KCTD1: variants seen among roughly 807,000 people sequenced by gnomAD.
KCTD1 encodes BTB/POZ domain-containing protein KCTD1.
In KCTD1, 24 loss-of-function variants were observed where a neutral mutation model predicts 66.0. That is an observed-to-expected ratio of 0.36 (90% CI 0.26 to 0.51). The LOEUF (loss-of-function observed/expected upper bound fraction) is 0.51. KCTD1 is among the 20% of genes least tolerant of loss of function. The pLI is 0.95. For synonymous variants in KCTD1, 511 were observed against 517.2 expected (o/e 0.99, Z 0.16); for missense variants, 943 against 1,205.2 (o/e 0.78, Z 3.22).
At chr18:26,584,936 C>T (rs1386186667) in intron 1 of KCTD1, among the ~76,000 whole-genome samples, 1 of 152,086 alleles carries the variant, frequency 6.6e-6, no homozygotes, top group African/African-American at 2.4e-5. Context: ...AGGAGGAGCA[C>T]GTAGTCCTGC....
rs57856118 is a variant in KCTD1 at position 26,647,519 on chromosome 18, C to CAAAAAAAAAAAAAAAAAAAAA, written c.9+9820_9+9840dup. On this transcript the variant is annotated intron_variant, in intron 1 of 4. Coordinates refer to the KCTD1 transcript ENST00000580191. ...TGGGAAACAGAGTGAGACTCCATCTCAAAAAAAAAAAAAAAAAAAAAAAAA... is the reference window on the plus strand; with the variant it reads ...TGGGAAACAGAGTGAGACTCCATCTCAAAAAAAAAAAAAAAAAAAAAAAAAAAAAAAAAAAAAAAAAAAAAA... Among the ~76,000 whole-genome samples the CAAAAAAAAAAAAAAAAAAAAA allele has an allele frequency of 6.5e-4, 37 of 57,316 alleles. 3 individuals carry two copies. Among genetic ancestry groups the CAAAAAAAAAAAAAAAAAAAAA allele is most frequent in the East Asian group, 3.0e-3 (4 of 1,338 alleles). The allele number at this position is 57,316 out of a possible 152,430, so 37.6% of individuals were successfully genotyped here. A position where few individuals can be genotyped will look rare whatever the true frequency, so the allele number is the denominator to read the frequency against.
intron 2 of KCTD1, among the ~76,000 whole-genome samples, chr18:26,485,066 C>T (rs1981846834): frequency 6.6e-6 from 1 of 152,172 alleles, no homozygotes; most frequent in Non-Finnish European, 1.5e-5. Context: ...AGCTCCAAGA[C>T]CCATAGACCT....
chr18:26,608,777 C>T (rs956288208), intron 1 of KCTD1, among the ~76,000 whole-genome samples: 3 of 152,188 alleles, frequency 2.0e-5, no homozygotes, highest in African/African-American at 4.8e-5. Flanking sequence ...GGAAATCCAT[C>T]GGCAAGAAGT....
At chr18:26,656,757 G>A (rs1305108066) in intron 1 of KCTD1, among the ~76,000 whole-genome samples, 1 of 151,202 alleles carries the variant, frequency 6.6e-6, no homozygotes, top group Non-Finnish European at 1.5e-5. Flanking sequence ...CCCGGGCGCC[G>A]CCGCCCCCTG....
At chr18:26,589,740 G>T (rs1460407653) in intron 1 of KCTD1, among the ~76,000 whole-genome samples, 2 of 152,152 alleles carry the variant, frequency 1.3e-5, no homozygotes, top group East Asian at 3.9e-4. Context: ...GGTCAACCTT[G>T]ACTGGTATAA....
chr18:26,475,497 T>C (rs900496375), intron 3 of KCTD1, among the ~76,000 whole-genome samples: 2 of 152,240 alleles, frequency 1.3e-5, no homozygotes, highest in Non-Finnish European at 2.9e-5. Flanking sequence ...CTAGGTGTTA[T>C]AATTTTTGTT....
intron 1 of KCTD1, among the ~76,000 whole-genome samples, chr18:26,639,065 T>C (rs1234037708): frequency 2.6e-5 from 4 of 152,090 alleles, no homozygotes; most frequent in African/African-American, 9.7e-5. Flanking sequence ...TGGTGAGCAA[T>C]GCATGTTGCC....
intron 1 of KCTD1, among the ~76,000 whole-genome samples, chr18:26,616,308 G>T (rs1447767513): frequency 1.3e-5 from 2 of 151,780 alleles, no homozygotes; most frequent in East Asian, 3.9e-4. Context: ...ACCAACCACA[G>T]GTGGCCTTCC....
intron 3 of KCTD1, among the ~76,000 whole-genome samples, chr18:26,469,638 T>A (rs1980944128): frequency 6.6e-6 from 1 of 152,216 alleles, no homozygotes; most frequent in African/African-American, 2.4e-5. Flanking sequence ...ATTATTCTGA[T>A]AAGCAGCATA....
At chr18:26,516,166 G>A (rs1392767993) in intron 1 of KCTD1, among the ~76,000 whole-genome samples, 1 of 152,040 alleles carries the variant, frequency 6.6e-6, no homozygotes, top group Admixed American at 6.6e-5. Context: ...GAAACTGATG[G>A]AAAGGAAAAT....
chr18:26,641,799 G>A (rs1412828289), upstream of KCTD1, among the ~76,000 whole-genome samples: 1 of 152,156 alleles, frequency 6.6e-6, no homozygotes, highest in Admixed American at 6.5e-5. Flanking sequence ...GCAGGTATCA[G>A]ATCTCGAGAT....
In KCTD1 at chr18:26,517,382, A is replaced by C. The variant is rs112573318; in HGVS notation, c.1810-16132T>G. Among the ~76,000 whole-genome samples, 87 of 152,250 alleles carry C rather than the reference A, an allele frequency of 5.7e-4. 1 individual carries two copies. Among genetic ancestry groups the C allele is most frequent in the African/African-American group, 1.9e-3 (81 of 41,544 alleles). On this transcript the variant is annotated intron_variant, in intron 1 of 4. Transcript: ENST00000580059. The stretch of plus-strand genomic sequence containing the variant: ...AAAAAGGGGAGTTTAAAGGCTGGGC[A>C]TGGTGGCTCACGCCTGTAATCCCAA...
At chr18:26,520,447 T>A (rs1983856296) in intron 1 of KCTD1, among the ~76,000 whole-genome samples, 1 of 152,218 alleles carries the variant, frequency 6.6e-6, no homozygotes, top group African/African-American at 2.4e-5. Context: ...TTATTAAGTA[T>A]AATCCTTGCT....
intron 1 of KCTD1, among the ~76,000 whole-genome samples, chr18:26,556,666 C>A (rs192090934): frequency 6.6e-6 from 1 of 152,284 alleles, no homozygotes. Context: ...TAGGTTTTTA[C>A]ATTAACACTC....
chr18:26,540,687 T>G (rs1984936315), intron 1 of KCTD1, among the ~76,000 whole-genome samples: 1 of 152,232 alleles, frequency 6.6e-6, no homozygotes, highest in Non-Finnish European at 1.5e-5. Context: ...TGTCTTATGA[T>G]TTTCTTGATA....
intron 1 of KCTD1, among the ~76,000 whole-genome samples, chr18:26,576,034 C>T (rs187452308): frequency 1.7e-3 from 265 of 152,324 alleles, no homozygotes; most frequent in African/African-American, 6.1e-3. Context: ...CATGCCTTGG[C>T]ACTCCTGTGT....
chr18:26,597,333 G>A (rs1451980291), intron 1 of KCTD1, among the ~76,000 whole-genome samples: 1 of 152,068 alleles, frequency 6.6e-6, no homozygotes, highest in African/African-American at 2.4e-5. Context: ...ACAAACTTGA[G>A]GTGTGGAGAC....
intron 1 of KCTD1, among the ~76,000 whole-genome samples, chr18:26,564,821 A>G (rs1366578466): frequency 6.6e-6 from 1 of 151,938 alleles, no homozygotes; most frequent in Non-Finnish European, 1.5e-5. Context: ...CCCGGGAGGC[A>G]GAGGTTTTAG....
At chr18:26,599,202 T>C (rs1186581215) in intron 1 of KCTD1, among the ~76,000 whole-genome samples, 1 of 152,256 alleles carries the variant, frequency 6.6e-6, no homozygotes, top group African/African-American at 2.4e-5. Flanking sequence ...GACTTTTATT[T>C]CATTTTTGTC....
Sources: gnomAD v4.1 joint callset for allele counts (sites outside exome capture counted in the v4.1 genomes callset) on GRCh38, gnomAD v4.1.1 for gene constraint, MANE v1.5 for transcripts, NCBI Gene and HGNC (gene_info 2026-07-23, HGNC 2026-07-21) for gene names.